The following DNMT1 variants were observed in gnomAD, a reference collection of about 807,000 sequenced individuals.
The protein encoded by DNMT1 is DNA (cytosine-5)-methyltransferase 1.
Under a neutral mutation model 205.3 loss-of-function variants are expected in DNMT1, and 24 were observed. That is an observed-to-expected ratio of 0.12 (90% CI 0.08 to 0.16). The LOEUF (loss-of-function observed/expected upper bound fraction) is 0.16, where lower values mean the gene tolerates loss of function less well. DNMT1 is among the 10% of genes least tolerant of loss of function. DNMT1 has a pLI of 1.00. For synonymous variants in DNMT1, 817 were observed against 839.8 expected (o/e 0.97, Z 0.47); for missense variants, 1,293 against 2,177.7 (o/e 0.59, Z 8.09).
At chr19:10,176,812 C>A (rs1012952476) in intron 6 of DNMT1, among the ~76,000 whole-genome samples, 16 of 152,080 alleles carry the variant, frequency 1.1e-4, no homozygotes, top group African/African-American at 3.9e-4. Context: ...GAGCCGAGAT[C>A]GTGCCACTGC....
chr19:10,153,972 G>A (rs1428800657), intron 22 of DNMT1, among the ~76,000 whole-genome samples: 2 of 152,222 alleles, frequency 1.3e-5, no homozygotes, highest in Non-Finnish European at 2.9e-5. Context: ...CCACTTAGAT[G>A]TGAATACCCC....
rs1209026033 is a variant in DNMT1, at chr19:10,180,169, G to A, written c.493+18C>T. ...TCTCTACTAAATACAAAAATTAGCT[G>A]GGTGTGGTGGCACATACCTCTAATC... is the stretch of plus-strand genomic sequence containing the variant. On this transcript the variant is annotated intron_variant, in intron 5 of 40. Coordinates refer to ENST00000359526, the MANE Select transcript of DNMT1 (RefSeq NM_001130823.3). 4 of 721,410 alleles carry A rather than the reference G, an allele frequency of 5.5e-6. No individual in the cohort carries two copies. The highest frequency in any genetic ancestry group is 9.5e-6 in the Non-Finnish European group (4 of 423,148). The allele number at this position is 721,410 out of a possible 1,614,324, so 44.7% of individuals were successfully genotyped here.
chr19:10,141,255 G>A, intron 30 of DNMT1, 66 bp from the exon 31 acceptor site: 1 of 1,520,870 alleles, frequency 6.6e-7, no homozygotes, highest in Non-Finnish European at 9.1e-7. Flanking sequence ...ACGCAGACTA[G>A]TAAGAAGGCA....
At chr19:10,177,440 C>T (rs1397637590) in intron 5 of DNMT1, 73 bp from the exon 6 acceptor site, 13 of 1,427,564 alleles carry the variant, frequency 9.1e-6, no homozygotes, top group Non-Finnish European at 9.7e-6. Flanking sequence ...AGCAATAATG[C>T]AGTTCAACAT....
intron 11 of DNMT1, among the ~76,000 whole-genome samples, chr19:10,163,775 G>A (rs2038629541): frequency 6.6e-6 from 1 of 152,184 alleles, no homozygotes; most frequent in Non-Finnish European, 1.5e-5. Context: ...GTGTGCAGTG[G>A]CATGTGCCTG....
chr19:10,180,760 T>C lies in DNMT1; in HGVS notation c.225+18A>G, dbSNP rs759638838. Reference sequence around the variant, plus strand: ...GGAGACATTTTTCTAGAGGCTAGGATGCTGAGAACTGACTTACCTCGGATA... The same window carrying C: ...GGAGACATTTTTCTAGAGGCTAGGACGCTGAGAACTGACTTACCTCGGATA... On this transcript the variant is annotated intron_variant, in intron 3 of 40. Coordinates refer to ENST00000359526, the MANE Select transcript of DNMT1 (RefSeq NM_001130823.3). 1.2e-6 allele frequency: 2 copies of C among 1,611,296 alleles called. No homozygotes were observed. The highest frequency in any genetic ancestry group is 1.1e-5 in the South Asian group (1 of 90,996).
rs200380915 is a variant in DNMT1 at position 10,173,072 on chromosome 19, G to T, written c.768+18C>A. On this transcript the variant is annotated intron_variant, in intron 9 of 40. Transcript: ENST00000359526. ...GATTAAGGGAGAATTAACAAACTTA[G>T]AGGTGATAGAGCTTTACTTTTTCAT... The T allele has an allele frequency of 1.6e-3, 2,640 of 1,614,054 alleles. 7 individuals are homozygous for T. Among genetic ancestry groups the T allele is most frequent in the Non-Finnish European group, 2.0e-3 (2,400 of 1,179,954 alleles).
At chr19:10,180,032 G>T in intron 5 of DNMT1, 155 bp downstream of exon 5, 1 of 371,014 alleles carries the variant, frequency 2.7e-6, no homozygotes, top group Non-Finnish European at 5.0e-6. Context: ...AGTTAAGCAG[G>T]GCCAGGCGTG....
rs530221982 is a variant in DNMT1 at position 10,162,776 on chromosome 19, T to C, written c.927-28A>G. ...GCAGGGTGAACAGATACACAGCAAGTAGCAGCTTAGAAACACTAACCACAT... is the reference window on the plus strand; with the variant it reads ...GCAGGGTGAACAGATACACAGCAAGCAGCAGCTTAGAAACACTAACCACAT... On this transcript the variant is annotated intron_variant, in intron 12 of 40. Transcript: ENST00000359526. 7.4e-6 allele frequency: 12 copies of C among 1,611,748 alleles called. No individual in the cohort carries two copies. The East Asian group carries it at 1.1e-4, about 15-fold the overall frequency.
At position 10,159,396 on chromosome 19, in the gene DNMT1, G is replaced by C. The variant is rs147151629; in HGVS notation, c.1280+262C>G. Among the ~76,000 whole-genome samples, 1 of 152,014 alleles carries C rather than the reference G, an allele frequency of 6.6e-6. No homozygotes were observed. The highest frequency in any genetic ancestry group is 1.5e-5 in the Non-Finnish European group (1 of 68,012). On this transcript the variant is annotated intron_variant, in intron 17 of 40. Coordinates refer to ENST00000359526, the MANE Select transcript of DNMT1 (RefSeq NM_001130823.3). This position sits in a 1 kb window ranked among gnomAD's most constrained non-coding sequence, Gnocchi z 5.0. ...ACACCTGGCTACTTTTTGTATTTTC[G>C]GTAGGTTTCGCCATGTTGGCCAGGC...
Position 10,177,323 on chromosome 19 carries a change from G to T in DNMT1, c.538C>A (p.Gln180Lys). The T allele has an allele frequency of 6.2e-7, 1 of 1,613,914 alleles. No individual in the cohort carries two copies. Among genetic ancestry groups the T allele is most frequent in the South Asian group, 1.1e-5 (1 of 91,078 alleles). ...GCAAAATGAGATGTGATGGTGGTTTGCCTGGTGCTTTTCCTTGTAATCCTG... is the reference window on the plus strand; with the variant it reads ...GCAAAATGAGATGTGATGGTGGTTTTCCTGGTGCTTTTCCTTGTAATCCTG... Reference protein sequence around the residue: ...SPRITRKSTRQTTITSHFAKG... With the variant: ...SPRITRKSTRKTTITSHFAKG... Residue 180 changes from glutamine (Q) to lysine (K), a missense_variant, in exon 6 of 41, where the codon CAA (glutamine) becomes AAA (lysine). By Grantham distance (53) the Gln-to-Lys change is moderately conservative. Coordinates refer to ENST00000359526, the MANE Select transcript of DNMT1 (RefSeq NM_001130823.3).
At chr19:10,176,785 G>C (rs1397637100) in intron 6 of DNMT1, among the ~76,000 whole-genome samples, 1 of 152,114 alleles carries the variant, frequency 6.6e-6, no homozygotes, top group Non-Finnish European at 1.5e-5. Context: ...TTGAACCCGG[G>C]AGGCAGAGGT....
In DNMT1 at chr19:10,137,010, G is replaced by A; in HGVS notation, c.4489+75C>T. On this transcript the variant is annotated intron_variant, in intron 37 of 40. Coordinates refer to ENST00000359526, the MANE Select transcript of DNMT1 (RefSeq NM_001130823.3). This position sits in a 1 kb window ranked among gnomAD's most constrained non-coding sequence, Gnocchi z 6.4. Reference sequence around the variant, plus strand: ...GTCTGTGCCCTGCCCTGGCCTCCAGGTTCACAGGCCAAAGGCCCAGGGCTC... The same window carrying A: ...GTCTGTGCCCTGCCCTGGCCTCCAGATTCACAGGCCAAAGGCCCAGGGCTC... 4 of 1,554,964 alleles carry A rather than the reference G, an allele frequency of 2.6e-6. No individual in the cohort carries two copies. Among genetic ancestry groups the A allele is most frequent in the Non-Finnish European group, 3.5e-6 (4 of 1,146,264 alleles).
chr19:10,187,273 C>T (rs2039205431), intron 1 of DNMT1, among the ~76,000 whole-genome samples: 1 of 151,880 alleles, frequency 6.6e-6, no homozygotes, highest in Non-Finnish European at 1.5e-5. Context: ...TGTTAGATTA[C>T]TCTAACACCT....
intron 5 of DNMT1, among the ~76,000 whole-genome samples, chr19:10,177,776 C>CA (rs2038962520): frequency 6.6e-6 from 1 of 151,540 alleles, no homozygotes; most frequent in South Asian, 2.1e-4. Flanking sequence ...ACTAAAAATA[C>CA]AAAAAAATTA....
chr19:10,189,609 G>A (rs1235128413), intron 1 of DNMT1, among the ~76,000 whole-genome samples: 2 of 150,848 alleles, frequency 1.3e-5, no homozygotes, highest in Admixed American at 1.3e-4. Flanking sequence ...GAGATGGGGG[G>A]GGTCTTCCTA....
intron 13 of DNMT1, among the ~76,000 whole-genome samples, chr19:10,161,421 G>C (rs2038569213): frequency 1.3e-5 from 2 of 152,182 alleles, no homozygotes; most frequent in African/African-American, 4.8e-5. Context: ...AGCCCAGGTG[G>C]GAGGACTGCT....
chr19:10,155,563 G>A (rs1028296346), intron 19 of DNMT1, among the ~76,000 whole-genome samples: 8 of 151,992 alleles, frequency 5.3e-5, no homozygotes, highest in African/African-American at 9.7e-5. Context: ...GGCTGGTCTC[G>A]AATTCCTGGC....
chr19:10,174,736 C>CAAA (rs1018339312), intron 7 of DNMT1, among the ~76,000 whole-genome samples: 12 of 149,358 alleles, frequency 8.0e-5, no homozygotes, highest in East Asian at 2.0e-4. Flanking sequence ...ACAACAACAA[C>CAAA]AAAAAAAACA....
Sources: gnomAD v4.1 joint callset for allele counts (sites outside exome capture counted in the v4.1 genomes callset) on GRCh38, gnomAD v4.1.1 for gene constraint, Gnocchi (gnomAD v3.1) non-coding constraint, MANE v1.5 for transcripts, NCBI Gene and HGNC (gene_info 2026-07-23, HGNC 2026-07-21) for gene names.